ATOH8: variants seen among roughly 807,000 people sequenced by gnomAD.
ATOH8 encodes atonal bHLH transcription factor 8, also known as transcription factor ATOH8.
Under a neutral mutation model 21.2 loss-of-function variants are expected in ATOH8, and 9 were observed. The observed-to-expected ratio is 0.42, with a 90% CI of 0.26 to 0.74. ATOH8 has a LOEUF of 0.74. Ranked by LOEUF, ATOH8 falls within the 30% of genes least tolerant of loss-of-function variation. ATOH8 has a pLI of 0.24. For missense variants in ATOH8, 524 were observed against 470.9 expected (o/e 1.11, Z -1.04); for synonymous variants, 253 against 224.0 (o/e 1.13, Z -1.16).
chr2:85,754,968 G>T lies in ATOH8; in HGVS notation c.768+11G>T. Reference sequence around the variant, plus strand: ...GCGCTCAGGAAGCAGGTACCCGCTCGCCGCCGCACGCCCTCACTGCGCCGG... The same window carrying T: ...GCGCTCAGGAAGCAGGTACCCGCTCTCCGCCGCACGCCCTCACTGCGCCGG... On this transcript the variant is annotated intron_variant, in intron 1 of 2. Transcript: ENST00000306279. The T allele has an allele frequency of 1.3e-6, 2 of 1,578,728 alleles. No individual in the cohort carries two copies. The highest frequency in any genetic ancestry group is 1.4e-5 in the African/African-American group (1 of 73,932).
At position 85,789,199 on chromosome 2, in the gene ATOH8, C is replaced by T. The variant is rs748064; in HGVS notation, c.*2309C>T. Among the ~76,000 whole-genome samples, 44,325 of 152,060 alleles carry T rather than the reference C, an allele frequency of 0.29. 6,951 individuals carry two copies. The highest frequency in any genetic ancestry group is 0.35 in the Non-Finnish European group (24,075 of 67,958). ...CAGAAAGAGCCCATCCTCCACCTCC[C>T]ATCCCCCTCCTGCATACATACTTCA... On this transcript the variant is annotated 3_prime_UTR_variant, in exon 3 of 3. Transcript: ENST00000306279.
intron 2 of ATOH8, among the ~76,000 whole-genome samples, chr2:85,782,803 C>A (rs931488957): frequency 6.6e-6 from 1 of 152,210 alleles, no homozygotes; most frequent in African/African-American, 2.4e-5. Context: ...TCAAGAGATC[C>A]TCCCACCTCA....
Position 85,754,479 on chromosome 2 carries a change from G to A in ATOH8, c.290G>A (p.Gly97Glu). ...GGCACGGACACAGCCGGGGAGCGCG[G>A]GGGCTCTCGGGCGCCCGAGGTCTCC... ...RGGTDTAGER[G>E]GSRAPEVSDA... The change falls in exon 1 of 3, where the codon GGG becomes GAG. Residue 97 changes from glycine (G) to glutamate (E), a missense_variant. Coordinates refer to ENST00000306279, the MANE Select transcript of ATOH8 (RefSeq NM_032827.7). 3 of 1,448,478 alleles carry A rather than the reference G, an allele frequency of 2.1e-6. No individual in the cohort carries two copies. The highest frequency in any genetic ancestry group is 2.7e-6 in the Non-Finnish European group (3 of 1,110,202). The allele number at this position is 1,448,478 out of a possible 1,614,324, so 89.7% of individuals were successfully genotyped here.
intron 2 of ATOH8, among the ~76,000 whole-genome samples, chr2:85,767,580 T>TCCTTCCCTCCCCTGCCCTCC (rs1558611972): frequency 6.3e-5 from 5 of 79,284 alleles, no homozygotes; most frequent in Admixed American, 1.4e-4. Flanking sequence ...CCCTCCCCTC[T>TCCTTCCCTCCCCTGCCCTCC]CCTTCCCTTC....
At chr2:85,776,213 G>GCTGTCCT (rs1411236198) in intron 2 of ATOH8, among the ~76,000 whole-genome samples, 1 of 152,180 alleles carries the variant, frequency 6.6e-6, no homozygotes, top group African/African-American at 2.4e-5. Flanking sequence ...CCAGGCCACC[G>GCTGTCCT]CTGTCCTCTG....
intron 2 of ATOH8, chr2:85,772,958 G>T (rs972770317): frequency 5.1e-6 from 2 of 390,874 alleles, no homozygotes; most frequent in Non-Finnish European, 1.0e-5. Flanking sequence ...TGTCACTGGG[G>T]ATGGTTGAAA....
At chr2:85,774,796 A>G in intron 2 of ATOH8, 1 of 984,070 alleles carries the variant, frequency 1.0e-6, no homozygotes, top group Non-Finnish European at 1.2e-6. Context: ...ACACCCCAGC[A>G]GCACAGAACT....
At chr2:85,770,312 T>C (rs898704155) in intron 2 of ATOH8, among the ~76,000 whole-genome samples, 1 of 152,158 alleles carries the variant, frequency 6.6e-6, no homozygotes, top group African/African-American at 2.4e-5. Context: ...TGCTTCCCTG[T>C]CCTGCTTCTC....
At chr2:85,768,611 C>T (rs897552040) in intron 2 of ATOH8, among the ~76,000 whole-genome samples, 3 of 152,184 alleles carry the variant, frequency 2.0e-5, no homozygotes, top group Admixed American at 6.5e-5. Flanking sequence ...TTCAAGATGC[C>T]CACTTGGGAG....
Position 85,754,184 on chromosome 2 carries a change from C to T in ATOH8, c.-6C>T, listed in dbSNP as rs745854233. 1.9e-5 allele frequency: 30 copies of T among 1,570,664 alleles called. No homozygotes were observed. The highest frequency in any genetic ancestry group is 2.3e-5 in the Non-Finnish European group (27 of 1,162,620). ...CCACGCCCCTGCCTCGCGCGCCGCC[C>T]GCGCCATGAAGCACATCCCGGTCCT... On this transcript the variant is annotated 5_prime_UTR_variant, in exon 1 of 3. Transcript: ENST00000306279.
intron 2 of ATOH8, among the ~76,000 whole-genome samples, chr2:85,765,274 C>A (rs575842830): frequency 1.3e-5 from 2 of 152,348 alleles, no homozygotes; most frequent in South Asian, 2.1e-4. Context: ...GCCCCTCCCC[C>A]ATCCCTGACA....
chr2:85,754,608 C>T lies in ATOH8; in HGVS notation c.419C>T (p.Pro140Leu). 1 of 1,487,610 alleles carries T rather than the reference C, an allele frequency of 6.7e-7. No individual in the cohort carries two copies. Among genetic ancestry groups the T allele is most frequent in the Non-Finnish European group, 8.9e-7 (1 of 1,126,250 alleles). The allele number at this position is 1,487,610 out of a possible 1,614,324, so 92.2% of individuals were successfully genotyped here. The stretch of plus-strand genomic sequence containing the variant: ...CCCCAGAGCCAGGCACCTGGGGGCC[C>T]AGAGGCACAGCCTTTCCGGGAGCCG... ...PAPQSQAPGG[P>L]EAQPFREPGL... Residue 140 changes from proline to leucine, a missense_variant, in exon 1 of 3, where the codon CCA becomes CTA. Physicochemically the swap from Pro to Leu is moderately conservative, Grantham distance 98 (BLOSUM62 -3). Transcript: ENST00000306279.
rs568624314 is a variant in ATOH8 at position 85,791,322 on chromosome 2, A to G, written c.*4432A>G. On this transcript the variant is annotated 3_prime_UTR_variant, in exon 3 of 3. Coordinates refer to ENST00000306279, the MANE Select transcript of ATOH8 (RefSeq NM_032827.7). ...TGATCCTCGAAACGGCTTTCTTGCA[A>G]AGTGTATATATTGGTTTCTTTGCTG... Among the ~76,000 whole-genome samples the G allele has an allele frequency of 8.3e-4, 126 of 152,358 alleles. No homozygotes were observed. The highest frequency in any genetic ancestry group is 2.8e-3 in the African/African-American group (116 of 41,582).
chr2:85,772,241 C>T (rs374024396), intron 2 of ATOH8, among the ~76,000 whole-genome samples: 1 of 152,244 alleles, frequency 6.6e-6, no homozygotes, highest in Non-Finnish European at 1.5e-5. Flanking sequence ...GTGCCGCCGG[C>T]GAGGACTGAC....
intron 2 of ATOH8, among the ~76,000 whole-genome samples, chr2:85,765,671 C>T (rs1447584993): frequency 2.6e-5 from 4 of 151,804 alleles, no homozygotes; most frequent in Admixed American, 1.3e-4. Context: ...GCAGGCGCCC[C>T]GTCTCCATCT....
At chr2:85,763,316 G>A (rs1354539099) in intron 1 of ATOH8, among the ~76,000 whole-genome samples, 8 of 152,188 alleles carry the variant, frequency 5.3e-5, no homozygotes, top group Admixed American at 5.2e-4. Flanking sequence ...GAGCTAGTTG[G>A]TGATGAATCA....
At position 85,754,866 on chromosome 2, in the gene ATOH8, C is replaced by T. The variant is rs762199518; in HGVS notation, c.677C>T (p.Ala226Val). 14 of 1,612,058 alleles carry T rather than the reference C, an allele frequency of 8.7e-6. No homozygotes were observed. The South Asian group carries it at 1.5e-4, about 18-fold the overall frequency. ...EATAASSEIKALQQTRRLLAN... is the reference protein window; with the variant it reads ...EATAASSEIKVLQQTRRLLAN... ...ACTGCCGCCTCCTCCGAGATCAAAG[C>T]CCTGCAGCAGACCCGGAGGCTCCTG... The change falls in exon 1 of 3, where the codon GCC becomes GTC. Residue 226 changes from alanine to valine, a missense_variant. By Grantham distance (64) the Ala-to-Val change is moderately conservative. Coordinates refer to ENST00000306279, the MANE Select transcript of ATOH8 (RefSeq NM_032827.7).
rs1052140219 is a variant in ATOH8, at chr2:85,785,461, G to A, written c.961-1424G>A. Among the ~76,000 whole-genome samples, 1 of 152,220 alleles carries A rather than the reference G, an allele frequency of 6.6e-6. No individual in the cohort carries two copies. The highest frequency in any genetic ancestry group is 2.4e-5 in the African/African-American group (1 of 41,460). Reference sequence around the variant, plus strand: ...TCTCCCTCCTGAGCCACTATTAGCTGGAGAGCACTCCCTCCCTCTGGCCCG... The same window carrying A: ...TCTCCCTCCTGAGCCACTATTAGCTAGAGAGCACTCCCTCCCTCTGGCCCG... On this transcript the variant is annotated intron_variant, in intron 2 of 2. Transcript: ENST00000306279. This position sits in a 1 kb window ranked among gnomAD's most constrained non-coding sequence, Gnocchi z 4.1.
At position 85,754,252 on chromosome 2, in the gene ATOH8, C is replaced by A. The variant is rs1679595565; in HGVS notation, c.63C>A (p.Asn21Lys). ...PWKTVCVKEL[N>K]GLKKLKRKGK... Reference sequence around the variant, plus strand: ...AGACCGTGTGCGTGAAGGAGCTGAACGGCCTTAAGAAGCTCAAGCGGAAAG... The same window carrying A: ...AGACCGTGTGCGTGAAGGAGCTGAAAGGCCTTAAGAAGCTCAAGCGGAAAG... Residue 21 changes from asparagine (N) to lysine (K), a missense_variant, in exon 1 of 3, where the codon AAC becomes AAA. Asn to Lys is a moderately conservative substitution (Grantham distance 94). Transcript: ENST00000306279. 1 of 1,609,238 alleles carries A rather than the reference C, an allele frequency of 6.2e-7. No individual in the cohort carries two copies. The highest frequency in any genetic ancestry group is 8.5e-7 in the Non-Finnish European group (1 of 1,178,542).
Sources: allele counts gnomAD v4.1 joint callset (sites outside exome capture counted in the v4.1 genomes callset), GRCh38; gene constraint gnomAD v4.1.1; non-coding constraint Gnocchi (gnomAD v3.1); transcripts MANE v1.5; gene names NCBI Gene and HGNC (gene_info 2026-07-23, HGNC 2026-07-21).